THSD7A: variants seen among roughly 807,000 people sequenced by gnomAD.
THSD7A encodes the protein thrombospondin type-1 domain-containing protein 7A.
A neutral mutation model predicts 231.3 loss-of-function variants in THSD7A; 96 were observed. The observed-to-expected ratio is 0.41, with a 90% CI of 0.35 to 0.49. THSD7A has a LOEUF of 0.49. Ranked by LOEUF, THSD7A falls within the 20% of genes least tolerant of loss-of-function variation. The pLI is 0.05. For missense variants in THSD7A, 2,290 were observed against 2,070.2 expected (o/e 1.11, Z -2.06); for synonymous variants, 940 against 743.3 (o/e 1.26, Z -4.30).
chr7:11,674,860 C>T (rs1026609438), intron 1 of THSD7A, among the ~76,000 whole-genome samples: 7 of 152,080 alleles, frequency 4.6e-5, no homozygotes, highest in African/African-American at 9.6e-5. Flanking sequence ...ATATGAATAA[C>T]GAGGAAACTC....
At chr7:11,450,337 T>G (rs77969256) in intron 11 of THSD7A, among the ~76,000 whole-genome samples, 7,595 of 152,072 alleles carry the variant, frequency 0.05, 585 homozygotes, top group African/African-American at 0.17. Context: ...AAAAAAATTG[T>G]GTAAAATTCC....
intron 7 of THSD7A, among the ~76,000 whole-genome samples, chr7:11,477,594 T>G (rs1786245916): frequency 6.6e-6 from 1 of 152,184 alleles, no homozygotes; most frequent in Non-Finnish European, 1.5e-5. Flanking sequence ...CTGTTGGTAT[T>G]ATTATTTTGT....
intron 11 of THSD7A, among the ~76,000 whole-genome samples, chr7:11,451,097 G>A (rs1056221617): frequency 6.6e-6 from 1 of 151,962 alleles, no homozygotes; most frequent in African/African-American, 2.4e-5. Context: ...ACTTAAACAA[G>A]CTTAGCCCAT....
intron 16 of THSD7A, among the ~76,000 whole-genome samples, chr7:11,419,816 T>G (rs1254854181): frequency 6.6e-6 from 1 of 152,198 alleles, no homozygotes. Context: ...CAGATGGAGA[T>G]GATGAGCTTA....
At chr7:11,564,089 G>T (rs983684039) in intron 4 of THSD7A, among the ~76,000 whole-genome samples, 26 of 152,040 alleles carry the variant, frequency 1.7e-4, no homozygotes, top group African/African-American at 6.3e-4. Flanking sequence ...GGTCTATTTT[G>T]GTTTACAATC....
At position 11,593,412 on chromosome 7, in the gene THSD7A, G is replaced by T; in HGVS notation, c.1113C>A (p.Pro371=). 1.2e-6 allele frequency: 2 copies of T among 1,614,026 alleles called. No individual in the cohort carries two copies. Among genetic ancestry groups the T allele is most frequent in the East Asian group, 2.2e-5 (1 of 44,880 alleles). Residue 371 remains proline, a synonymous_variant, in exon 3 of 28, where the codon CCC becomes CCA. Coordinates refer to ENST00000423059, the MANE Select transcript of THSD7A (RefSeq NM_015204.3). ...CQVSEWSEWS[P]CSKTCHDMVS... Reference sequence around the variant, plus strand: ...CCATGTCATGGCATGTTTTTGAGCAGGGGCTCCACTCTGACCACTCGGAAA... The same window carrying T: ...CCATGTCATGGCATGTTTTTGAGCATGGGCTCCACTCTGACCACTCGGAAA...
At chr7:11,699,673 A>G (rs763289499) in intron 1 of THSD7A, among the ~76,000 whole-genome samples, 22 of 151,352 alleles carry the variant, frequency 1.5e-4, no homozygotes, top group Admixed American at 2.0e-4. Context: ...TACATTTTTT[A>G]AGTTGTCTTC....
intron 2 of THSD7A, among the ~76,000 whole-genome samples, chr7:11,594,469 A>T (rs2128342283): frequency 6.6e-6 from 1 of 152,252 alleles, no homozygotes; most frequent in East Asian, 1.9e-4. Flanking sequence ...TACTTCTAAT[A>T]GTATGGAGAA....
intron 6 of THSD7A, among the ~76,000 whole-genome samples, chr7:11,514,667 C>T (rs79103073): frequency 0.016 from 2,487 of 152,094 alleles, 57 homozygotes; most frequent in African/African-American, 0.055. Flanking sequence ...TGCATGCAAT[C>T]TTTAACATGC....
At chr7:11,670,981 T>C (rs1385360406) in intron 1 of THSD7A, among the ~76,000 whole-genome samples, 2 of 152,146 alleles carry the variant, frequency 1.3e-5, no homozygotes, top group Non-Finnish European at 2.9e-5. Flanking sequence ...AATACTATTT[T>C]CCATAAGATT....
At chr7:11,659,324 G>T (rs1200979304) in intron 1 of THSD7A, among the ~76,000 whole-genome samples, 1 of 151,512 alleles carries the variant, frequency 6.6e-6, no homozygotes, top group Non-Finnish European at 1.5e-5. Flanking sequence ...TTTTCAACAT[G>T]CAAATTTGTT....
chr7:11,423,938 G>A (rs74354229), intron 16 of THSD7A, among the ~76,000 whole-genome samples: 1 of 152,238 alleles, frequency 6.6e-6, no homozygotes, highest in East Asian at 1.9e-4. Flanking sequence ...ATGAATATGT[G>A]GGGTCTCTGT....
At chr7:11,696,011 G>T (rs1011915267) in intron 1 of THSD7A, among the ~76,000 whole-genome samples, 1 of 151,518 alleles carries the variant, frequency 6.6e-6, no homozygotes, top group African/African-American at 2.4e-5. Flanking sequence ...TGTAAAGATT[G>T]TGATATAATA....
At chr7:11,673,785 T>C (rs1783515412) in intron 1 of THSD7A, among the ~76,000 whole-genome samples, 1 of 152,114 alleles carries the variant, frequency 6.6e-6, no homozygotes, top group Non-Finnish European at 1.5e-5. Context: ...ACATCTGGAA[T>C]AGCTCAGCAA....
intron 1 of THSD7A, among the ~76,000 whole-genome samples, chr7:11,776,796 T>C (rs1386190497): frequency 6.6e-6 from 1 of 152,168 alleles, no homozygotes; most frequent in Non-Finnish European, 1.5e-5. Flanking sequence ...AAACCTAACA[T>C]TGAAGAGTTT....
chr7:11,416,449 C>T lies in THSD7A; in HGVS notation c.3537+1001G>A, dbSNP rs78025157. Among the ~76,000 whole-genome samples the T allele has an allele frequency of 5.4e-3, 823 of 152,270 alleles. 9 individuals are homozygous for T. Among genetic ancestry groups the T allele is most frequent in the East Asian group, 0.021 (111 of 5,178 alleles). The stretch of plus-strand genomic sequence containing the variant: ...ATTTGATGTAACTTCAAATCTGATC[C>T]TTTGAAATTAGAACAGAAAATCAAT... On this transcript the variant is annotated intron_variant, in intron 17 of 27. Transcript: ENST00000423059.
At position 11,460,775 on chromosome 7, in the gene THSD7A, A is replaced by G. The variant is rs1562627333; in HGVS notation, c.2502-10T>C. 6.2e-7 allele frequency: 1 copy of G among 1,607,792 alleles called. No homozygotes were observed. Among genetic ancestry groups the G allele is most frequent in the Non-Finnish European group, 8.5e-7 (1 of 1,176,778 alleles). ...TTTGTGAGTCTTCCACCTACAAGAC[A>G]GGAACAGAAGCCCAGTGGGGAAGAA... is the stretch of plus-strand genomic sequence containing the variant. On this transcript the variant is annotated splice_polypyrimidine_tract_variant and intron_variant, in intron 10 of 27. Transcript: ENST00000423059.
At chr7:11,729,734 T>C (rs559768312) in intron 1 of THSD7A, among the ~76,000 whole-genome samples, 1 of 151,718 alleles carries the variant, frequency 6.6e-6, no homozygotes, top group Non-Finnish European at 1.5e-5. Flanking sequence ...TAATAGAATG[T>C]TACTTAGCAG....
intron 2 of THSD7A, among the ~76,000 whole-genome samples, chr7:11,606,290 C>T (rs1476733242): frequency 6.6e-6 from 1 of 152,044 alleles, no homozygotes; most frequent in Non-Finnish European, 1.5e-5. Flanking sequence ...CACAGTAAGA[C>T]CATGTCACTG....
Sources: allele counts gnomAD v4.1 joint callset (sites outside exome capture counted in the v4.1 genomes callset), GRCh38; gene constraint gnomAD v4.1.1; transcripts MANE v1.5; gene names NCBI Gene and HGNC (gene_info 2026-07-23, HGNC 2026-07-21).